The following PRKG1 variants were observed in gnomAD, a reference collection of about 807,000 sequenced individuals.
The protein encoded by PRKG1 is cGMP-dependent protein kinase 1.
A neutral mutation model predicts 88.1 loss-of-function variants in PRKG1; 35 were observed. The ratio of observed to expected loss-of-function variants is 0.40; its 90% confidence interval spans 0.30 to 0.53. The LOEUF (loss-of-function observed/expected upper bound fraction) is 0.53. PRKG1 is among the 20% of genes least tolerant of loss of function. The probability of loss-of-function intolerance (pLI) is 0.59; values close to 1 mark genes in which losing one functional copy is unlikely to be tolerated. For synonymous variants in PRKG1, 303 were observed against 292.5 expected, an observed-to-expected ratio of 1.04 and a Z score of -0.37; for missense variants, 540 against 839.8, an observed-to-expected ratio of 0.64 and a Z score of 4.41.
At chr10:52,276,716 T>C (rs1299419117) in intron 12 of PRKG1, among the ~76,000 whole-genome samples, 1 of 152,206 alleles carries the variant, frequency 6.6e-6, no homozygotes, top group Non-Finnish European at 1.5e-5. Flanking sequence ...TTTCTTTAAG[T>C]AACTATCTAA....
At chr10:52,029,401 C>A (rs1285259451) in intron 5 of PRKG1, among the ~76,000 whole-genome samples, 3 of 152,158 alleles carry the variant, frequency 2.0e-5, no homozygotes, top group Non-Finnish European at 4.4e-5. Flanking sequence ...ACCAAGCTCA[C>A]AGTAAACATG....
intron 9 of PRKG1, 87 bp downstream of exon 9, chr10:52,162,050 A>T: frequency 8.8e-7 from 1 of 1,141,026 alleles, no homozygotes; most frequent in Admixed American, 2.0e-5. Flanking sequence ...GACACATCCC[A>T]ACACTCTGAC....
chr10:51,447,114 C>A (rs975989301), intron 2 of PRKG1, among the ~76,000 whole-genome samples: 1 of 151,988 alleles, frequency 6.6e-6, no homozygotes, highest in East Asian at 1.9e-4. Context: ...TCACCTATAG[C>A]CAAACACATT....
chr10:51,919,687 A>G (rs1243249086), intron 5 of PRKG1, among the ~76,000 whole-genome samples: 1 of 151,198 alleles, frequency 6.6e-6, no homozygotes, highest in Non-Finnish European at 1.5e-5. Context: ...TTTTTTTTTT[A>G]AAGTGGCTTA....
At chr10:52,249,612 A>G (rs1461282470) in intron 9 of PRKG1, among the ~76,000 whole-genome samples, 2 of 152,172 alleles carry the variant, frequency 1.3e-5, no homozygotes, top group African/African-American at 4.8e-5. Flanking sequence ...TACAAATAAT[A>G]ACACCATACT....
intron 5 of PRKG1, among the ~76,000 whole-genome samples, chr10:52,007,907 AC>A (rs1564426721): frequency 6.6e-6 from 1 of 152,154 alleles, no homozygotes; most frequent in Non-Finnish European, 1.5e-5. Context: ...ATGTGGAAAA[AC>A]AAAAATCACA....
intron 9 of PRKG1, among the ~76,000 whole-genome samples, chr10:52,240,657 C>T (rs1054393223): frequency 6.6e-6 from 1 of 152,110 alleles, no homozygotes; most frequent in Non-Finnish European, 1.5e-5. Context: ...GGACTTAATT[C>T]ATTTGATTAA....
intron 5 of PRKG1, among the ~76,000 whole-genome samples, chr10:51,939,386 A>G (rs1279922123): frequency 6.6e-6 from 1 of 152,016 alleles, no homozygotes; most frequent in Non-Finnish European, 1.5e-5. Context: ...TTAAAACCAT[A>G]ATTAATTTTT....
At chr10:51,748,415 A>G (rs569579983) in intron 3 of PRKG1, among the ~76,000 whole-genome samples, 8 of 152,332 alleles carry the variant, frequency 5.3e-5, no homozygotes, top group African/African-American at 1.9e-4. Flanking sequence ...TTTTCATGAC[A>G]TTTTTAATAG....
At chr10:51,083,204 A>T (rs959290637) in intron 1 of PRKG1, among the ~76,000 whole-genome samples, 1 of 152,210 alleles carries the variant, frequency 6.6e-6, no homozygotes, top group Admixed American at 6.5e-5. Context: ...GACCTGGGGC[A>T]CACAAAAGTG....
intron 3 of PRKG1, among the ~76,000 whole-genome samples, chr10:51,549,501 G>C (rs757069158): frequency 6.6e-6 from 1 of 151,894 alleles, no homozygotes; most frequent in African/African-American, 2.4e-5. Flanking sequence ...GTTGCGATAG[G>C]TTTATTATTT....
chr10:51,817,272 G>A (rs1479109832), intron 4 of PRKG1, among the ~76,000 whole-genome samples: 2 of 151,976 alleles, frequency 1.3e-5, no homozygotes, highest in Non-Finnish European at 2.9e-5. Flanking sequence ...TGGTATACAT[G>A]TGCAATGGTG....
intron 3 of PRKG1, among the ~76,000 whole-genome samples, chr10:51,575,067 A>T (rs1837850108): frequency 1.3e-5 from 2 of 151,982 alleles, no homozygotes; most frequent in Admixed American, 1.3e-4. Flanking sequence ...AGCTTGTTAA[A>T]TGTTCTGCCA....
In PRKG1 at chr10:51,280,230, G is replaced by C. The variant is rs1330592860; in HGVS notation, c.478+126900G>C. ...TCTACTGGCTTGTAGAGTTTCTGCT[G>C]AGAGTTCTGCTTTTAGTCTGATGGG... is the stretch of plus-strand genomic sequence containing the variant. On this transcript the variant is annotated intron_variant, in intron 2 of 17. Transcript: ENST00000373980. Among the ~76,000 whole-genome samples, 3 of 152,216 alleles carry C rather than the reference G, an allele frequency of 2.0e-5. No homozygotes were observed. The East Asian group carries it at 5.8e-4, about 29-fold the overall frequency.
chr10:51,549,120 CTTTTTTTT>C (rs56045527), intron 3 of PRKG1, among the ~76,000 whole-genome samples: 2 of 70,326 alleles, frequency 2.8e-5, no homozygotes, highest in African/African-American at 1.1e-4. Context: ...CTTTTCTTTT[CTTTTTTTT>C]TTTTTTTTTT....
At chr10:51,921,305 C>A (rs1319573216) in intron 5 of PRKG1, among the ~76,000 whole-genome samples, 1 of 152,072 alleles carries the variant, frequency 6.6e-6, no homozygotes, top group Non-Finnish European at 1.5e-5. Context: ...TTCCAGGAGT[C>A]ATTTGGTCAA....
At chr10:52,289,127 T>A in intron 16 of PRKG1, 134 bp downstream of exon 16, 1 of 764,538 alleles carries the variant, frequency 1.3e-6, no homozygotes, top group Non-Finnish European at 2.1e-6. Context: ...CTAGTAAGGC[T>A]TTTAAATGCC....
chr10:52,039,034 T>C (rs1422615164), intron 5 of PRKG1, among the ~76,000 whole-genome samples: 1 of 152,154 alleles, frequency 6.6e-6, no homozygotes, highest in Non-Finnish European at 1.5e-5. Context: ...GGTGGATCTT[T>C]CTCGTGGAGC....
intron 5 of PRKG1, among the ~76,000 whole-genome samples, chr10:52,029,270 C>T (rs1035767066): frequency 1.3e-5 from 2 of 152,212 alleles, no homozygotes; most frequent in African/African-American, 4.8e-5. Context: ...TAAATGTTCA[C>T]AAATGAATTT....
Sources: allele counts gnomAD v4.1 joint callset (sites outside exome capture counted in the v4.1 genomes callset), GRCh38; gene constraint gnomAD v4.1.1; transcripts MANE v1.5; gene names NCBI Gene and HGNC (gene_info 2026-07-23, HGNC 2026-07-21).